HPSE2: variants seen among roughly 807,000 people sequenced by gnomAD.
HPSE2 encodes the protein heparanase 2 (inactive).
HPSE2 carries 38 observed loss-of-function variants against 60.5 expected under a neutral mutation model. The observed-to-expected ratio is 0.63, with a 90% CI of 0.48 to 0.82. The LOEUF (loss-of-function observed/expected upper bound fraction) is 0.82, where lower values mean the gene tolerates loss of function less well. HPSE2 is among the 40% of genes least tolerant of loss of function. HPSE2 has a pLI of 0.00. For synonymous variants in HPSE2, 295 were observed against 293.2 expected (o/e 1.01, Z -0.06); for missense variants, 713 against 740.4 (o/e 0.96, Z 0.43).
intron 9 of HPSE2, among the ~76,000 whole-genome samples, chr10:98,509,496 G>T (rs942332115): frequency 5.9e-5 from 9 of 151,806 alleles, no homozygotes; most frequent in African/African-American, 2.2e-4. Flanking sequence ...AGGATTCATA[G>T]CTTTTTTTTT....
the HPSE2 span, among the ~76,000 whole-genome samples, chr10:99,303,498 A>G: frequency 1.3e-5 from 2 of 152,324 alleles, no homozygotes; most frequent in African/African-American, 4.8e-5. Flanking sequence ...GTCCCGCTAA[A>G]AACTTGGAAA....
intron 9 of HPSE2, among the ~76,000 whole-genome samples, chr10:98,604,118 C>A (rs1409065686): frequency 2.6e-5 from 4 of 151,970 alleles, no homozygotes; most frequent in Non-Finnish European, 1.5e-5. Context: ...ACAAGGCACA[C>A]TTAAAGGGAA....
At chr10:98,895,754 C>T (rs935017749) in intron 3 of HPSE2, among the ~76,000 whole-genome samples, 13 of 150,562 alleles carry the variant, frequency 8.6e-5, no homozygotes, top group African/African-American at 3.2e-4. Context: ...ACTATGCAGC[C>T]ATAAAAAATG....
intron 11 of HPSE2, among the ~76,000 whole-genome samples, chr10:98,469,280 A>C (rs1940679832): frequency 1.3e-5 from 2 of 152,156 alleles, no homozygotes; most frequent in Non-Finnish European, 2.9e-5. Context: ...GAAGTTTGGA[A>C]AGAAAATCTG....
intron 3 of HPSE2, among the ~76,000 whole-genome samples, chr10:98,905,308 C>T (rs1417075020): frequency 6.7e-6 from 1 of 148,748 alleles, no homozygotes; most frequent in Non-Finnish European, 1.5e-5. Flanking sequence ...TATCCCTCCC[C>T]CCTCCCCCGA....
At chr10:98,841,999 G>T (rs555438750) in intron 3 of HPSE2, among the ~76,000 whole-genome samples, 1 of 152,158 alleles carries the variant, frequency 6.6e-6, no homozygotes, top group African/African-American at 2.4e-5. Context: ...GTAGAGACGG[G>T]GTTTCACCAT....
At position 98,803,903 on chromosome 10, in the gene HPSE2, T is replaced by G. The variant is rs1348335096; in HGVS notation, c.611-59847A>C. Among the ~76,000 whole-genome samples the G allele has an allele frequency of 1.5e-4, 23 of 152,154 alleles. No homozygotes were observed. The South Asian group carries it at 4.6e-3, about 30-fold the overall frequency. ...TGGGGATGGCAGTGAATCTATAAAT[T>G]ACCTTGGGCAGTATGGCCATTTTCA... On this transcript the variant is annotated intron_variant, in intron 3 of 11. Coordinates refer to ENST00000370552, the MANE Select transcript of HPSE2 (RefSeq NM_021828.5).
At chr10:99,051,250 T>A (rs1396482050) in intron 3 of HPSE2, among the ~76,000 whole-genome samples, 1 of 152,136 alleles carries the variant, frequency 6.6e-6, no homozygotes, top group East Asian at 1.9e-4. Context: ...GCCACTGCAC[T>A]CCAGCCTGGG....
At chr10:98,834,673 CCTTT>C (rs1420296215) in intron 3 of HPSE2, among the ~76,000 whole-genome samples, 6 of 152,018 alleles carry the variant, frequency 3.9e-5, no homozygotes, top group Non-Finnish European at 5.9e-5. Flanking sequence ...ATCCTGGATC[CCTTT>C]AGGAGATCTG....
In HPSE2 at chr10:98,797,785, G is replaced by A. The variant is rs1021857809; in HGVS notation, c.611-53729C>T. Among the ~76,000 whole-genome samples, 23 of 151,966 alleles carry A rather than the reference G, an allele frequency of 1.5e-4. 1 individual carries two copies. Among genetic ancestry groups the A allele is most frequent in the African/African-American group, 3.4e-4 (14 of 41,454 alleles). On this transcript the variant is annotated intron_variant, in intron 3 of 11. Coordinates refer to ENST00000370552, the MANE Select transcript of HPSE2 (RefSeq NM_021828.5). ...CATGAACCTGGGAGACGGAGGTTGC[G>A]GTGAGCCGAGATCACGCCACTGTAC...
intron 3 of HPSE2, among the ~76,000 whole-genome samples, chr10:98,767,277 C>G (rs540551977): frequency 1.9e-4 from 29 of 152,066 alleles, no homozygotes; most frequent in African/African-American, 7.0e-4. Context: ...AAATGTCCAT[C>G]TATAAGAATT....
rs199978119 is a variant in HPSE2 at position 98,872,695 on chromosome 10, C to T, written c.611-128639G>A. 1.1e-4 allele frequency among the ~76,000 whole-genome samples: 16 copies of T among 152,234 alleles called. No homozygotes were observed. In the East Asian group the frequency reaches 2.9e-3, roughly 28 times the overall value. On this transcript the variant is annotated intron_variant, in intron 3 of 11. Transcript: ENST00000370552. ...GAGCAATGATAATTTCAATTCACCT[C>T]TGTCTCTTGCCATAGCTGACTAGAA...
At chr10:98,597,349 C>T (rs888091870) in intron 9 of HPSE2, among the ~76,000 whole-genome samples, 1 of 151,986 alleles carries the variant, frequency 6.6e-6, no homozygotes, top group Admixed American at 6.6e-5. Flanking sequence ...TGTCCCTTTG[C>T]TCCCCCTTGA....
chr10:98,626,856 C>G (rs955023354), intron 7 of HPSE2, among the ~76,000 whole-genome samples: 16 of 152,032 alleles, frequency 1.1e-4, no homozygotes, highest in Non-Finnish European at 4.4e-5. Context: ...CACTTGCAAG[C>G]TCCCCCTCCT....
chr10:98,520,583 C>T lies in HPSE2; in HGVS notation c.1321-30387G>A, dbSNP rs535107955. Among the ~76,000 whole-genome samples the T allele has an allele frequency of 2.8e-3, 426 of 152,232 alleles. 2 individuals carry two copies. The highest frequency in any genetic ancestry group is 4.9e-3 in the Non-Finnish European group (332 of 68,038). ...CCTCACAGTAAAGTGGGCTTCGAGG[C>T]GCAAAGTAAGATCTATCCTTTAAGA... On this transcript the variant is annotated intron_variant, in intron 9 of 11. Transcript: ENST00000370552.
chr10:98,837,440 G>T (rs1039403261), intron 3 of HPSE2, among the ~76,000 whole-genome samples: 1 of 152,128 alleles, frequency 6.6e-6, no homozygotes, highest in African/African-American at 2.4e-5. Context: ...TGCTAAAGTT[G>T]CCATCTAATT....
At chr10:98,569,507 G>C (rs374520701) in intron 9 of HPSE2, among the ~76,000 whole-genome samples, 23 of 152,082 alleles carry the variant, frequency 1.5e-4, no homozygotes, top group African/African-American at 4.6e-4. Flanking sequence ...ATAGCATTTT[G>C]AATCAAGATG....
chr10:99,074,360 C>G (rs1195281314), intron 3 of HPSE2, among the ~76,000 whole-genome samples: 1 of 151,992 alleles, frequency 6.6e-6, no homozygotes, highest in Non-Finnish European at 1.5e-5. Flanking sequence ...ATTGCATTAA[C>G]TGACTTTTGT....
chr10:99,076,982 C>T (rs977349232), intron 3 of HPSE2, among the ~76,000 whole-genome samples: 19 of 152,234 alleles, frequency 1.2e-4, no homozygotes, highest in South Asian at 6.2e-4. Context: ...GCCAGGTATA[C>T]GATTCTTGGT....
Sources: gnomAD v4.1 joint callset for allele counts (sites outside exome capture counted in the v4.1 genomes callset) on GRCh38, gnomAD v4.1.1 for gene constraint, MANE v1.5 for transcripts, NCBI Gene and HGNC (gene_info 2026-07-23, HGNC 2026-07-21) for gene names.